PRIM2: variants seen among roughly 807,000 people sequenced by gnomAD.
PRIM2 encodes DNA primase large subunit.
PRIM2 carries 39 observed loss-of-function variants against 67.3 expected under a neutral mutation model. The ratio of observed to expected loss-of-function variants is 0.58; its 90% CI spans 0.45 to 0.76. The LOEUF (loss-of-function observed/expected upper bound fraction) is 0.76. Ranked by LOEUF, PRIM2 falls within the 30% of genes least tolerant of loss-of-function variation. The pLI is 0.00. For missense variants in PRIM2, 398 were observed against 598.7 expected, an observed-to-expected ratio of 0.66 and a Z score of 3.50; for synonymous variants, 143 against 198.7, an observed-to-expected ratio of 0.72 and a Z score of 2.36.
chr6:57,643,366 A>G, intron 13 of PRIM2, among the ~76,000 whole-genome samples: 1 of 152,236 alleles, frequency 6.6e-6, no homozygotes, highest in African/African-American at 2.4e-5. Flanking sequence ...CTCTTAAAAC[A>G]GATTTCAGAG....
the PRIM2 span, among the ~76,000 whole-genome samples, chr6:57,296,490 A>G: frequency 6.6e-6 from 1 of 152,162 alleles, no homozygotes; most frequent in East Asian, 1.9e-4. Context: ...ATCTTGTGAT[A>G]TATAAGCTAT....
At chr6:57,448,761 A>G (rs1365175753) in intron 7 of PRIM2, among the ~76,000 whole-genome samples, 1 of 152,178 alleles carries the variant, frequency 6.6e-6, no homozygotes, top group African/African-American at 2.4e-5. Flanking sequence ...TAACCATTAC[A>G]CTCGGTCAGC....
At chr6:57,617,030 C>G (rs1776768507) in intron 12 of PRIM2, among the ~76,000 whole-genome samples, 1 of 152,164 alleles carries the variant, frequency 6.6e-6, no homozygotes, top group Admixed American at 6.5e-5. Context: ...TGGGTTGTTT[C>G]CACCAACTGG....
the PRIM2 span, among the ~76,000 whole-genome samples, chr6:57,250,429 TA>T: frequency 6.6e-6 from 1 of 152,254 alleles, no homozygotes; most frequent in African/African-American, 2.4e-5. Context: ...TGACTTCAAA[TA>T]AACAAATGCC....
At chr6:57,233,884 A>G in the PRIM2 span, among the ~76,000 whole-genome samples, 3 of 152,094 alleles carry the variant, frequency 2.0e-5, no homozygotes, top group African/African-American at 7.2e-5. Context: ...GCTGGACTCA[A>G]TCTCCTGGGC....
chr6:57,272,392 G>C, the PRIM2 span, among the ~76,000 whole-genome samples: 1 of 151,942 alleles, frequency 6.6e-6, no homozygotes, highest in Non-Finnish European at 1.5e-5. Context: ...GGCCTTCTTT[G>C]TCTCTTTTGA....
chr6:57,294,138 T>G, the PRIM2 span, among the ~76,000 whole-genome samples: 1 of 152,194 alleles, frequency 6.6e-6, no homozygotes, highest in Non-Finnish European at 1.5e-5. Context: ...TTATTGATAT[T>G]GCAGGAGGTC....
At chr6:57,512,079 A>C (rs1358821068) in intron 8 of PRIM2, among the ~76,000 whole-genome samples, 8 of 152,166 alleles carry the variant, frequency 5.3e-5, no homozygotes, top group African/African-American at 1.9e-4. Context: ...GGATATGAGA[A>C]ACCGGTAAAA....
At chr6:57,526,722 A>G (rs1554349445) in intron 8 of PRIM2, among the ~76,000 whole-genome samples, 48 of 152,246 alleles carry the variant, frequency 3.2e-4, no homozygotes, top group East Asian at 2.7e-3. Flanking sequence ...ATGTCTCTCA[A>G]AATAAAGCTG....
At chr6:57,531,441 A>G (rs1319235686) in intron 8 of PRIM2, among the ~76,000 whole-genome samples, 5 of 152,112 alleles carry the variant, frequency 3.3e-5, no homozygotes, top group Non-Finnish European at 7.4e-5. Flanking sequence ...GTATTTGTAT[A>G]ATCTTTGGTT....
At chr6:57,339,882 T>G (rs901548517) in intron 5 of PRIM2, among the ~76,000 whole-genome samples, 1 of 151,226 alleles carries the variant, frequency 6.6e-6, no homozygotes, top group Non-Finnish European at 1.5e-5. Flanking sequence ...AAAGAGCTTC[T>G]GCACAGCAAA....
At chr6:57,368,532 G>A (rs751251055) in intron 5 of PRIM2, among the ~76,000 whole-genome samples, 2 of 152,164 alleles carry the variant, frequency 1.3e-5, no homozygotes, top group Non-Finnish European at 2.9e-5. Context: ...TTTGATGCCA[G>A]TGTACTAGAC....
At chr6:57,438,170 T>G (rs1772076491) in intron 7 of PRIM2, among the ~76,000 whole-genome samples, 1 of 152,260 alleles carries the variant, frequency 6.6e-6, no homozygotes, top group Non-Finnish European at 1.5e-5. Flanking sequence ...ATATATAATT[T>G]GTTCTTTTAG....
chr6:57,368,850 T>C lies in PRIM2; in HGVS notation c.460-11051T>C, dbSNP rs531358545. 1.3e-3 allele frequency among the ~76,000 whole-genome samples: 197 copies of C among 152,286 alleles called. 5 individuals are homozygous for C. The East Asian group carries it at 0.017, about 13-fold the overall frequency. Reference sequence around the variant, plus strand: ...CCTCAGTGACTTATAGAAAGGTTTGTTCCTTGTTCATATTCTGTGTCTTCA... The same window carrying C: ...CCTCAGTGACTTATAGAAAGGTTTGCTCCTTGTTCATATTCTGTGTCTTCA... On this transcript the variant is annotated intron_variant, in intron 5 of 13. Coordinates refer to ENST00000615550, the MANE Select transcript of PRIM2 (RefSeq NM_000947.5).
chr6:57,554,961 AGTGAATGC>A (rs1775482986), intron 10 of PRIM2, among the ~76,000 whole-genome samples: 1 of 152,226 alleles, frequency 6.6e-6, no homozygotes, highest in African/African-American at 2.4e-5. Context: ...TGAGTGCCAC[AGTGAATGC>A]CTTGTATTAT....
At chr6:57,439,413 T>G (rs1476539320) in intron 7 of PRIM2, among the ~76,000 whole-genome samples, 5 of 112,342 alleles carry the variant, frequency 4.5e-5, no homozygotes, top group Admixed American at 1.7e-4. Context: ...TGTTTTTTTT[T>G]TTTTTTTTTT....
intron 7 of PRIM2, among the ~76,000 whole-genome samples, chr6:57,426,083 C>T (rs1771615574): frequency 6.6e-6 from 1 of 152,094 alleles, no homozygotes; most frequent in South Asian, 2.1e-4. Flanking sequence ...GTCGTGTCTA[C>T]TCATATATAC....
chr6:57,244,849 T>TA, the PRIM2 span, among the ~76,000 whole-genome samples: 2 of 152,242 alleles, frequency 1.3e-5, no homozygotes, highest in Non-Finnish European at 2.9e-5. Context: ...TGAGGAATTC[T>TA]AAAAACTCCC....
At chr6:57,543,228 C>G (rs1188087975) in intron 10 of PRIM2, among the ~76,000 whole-genome samples, 1 of 151,968 alleles carries the variant, frequency 6.6e-6, no homozygotes, top group Non-Finnish European at 1.5e-5. Flanking sequence ...CGTGAGCCAC[C>G]GCGCCCGGCC....
Sources: gnomAD v4.1 joint callset for allele counts (sites outside exome capture counted in the v4.1 genomes callset) on GRCh38, gnomAD v4.1.1 for gene constraint, MANE v1.5 for transcripts, NCBI Gene and HGNC (gene_info 2026-07-23, HGNC 2026-07-21) for gene names.